The following MLIP variants were observed in gnomAD, a reference collection of about 807,000 sequenced individuals.
MLIP encodes muscular LMNA-interacting protein.
MLIP carries 79 observed loss-of-function variants against 84.8 expected under a neutral mutation model. That is an observed-to-expected ratio of 0.93 (90% confidence interval 0.78 to 1.12). The LOEUF is 1.12. Ranked by LOEUF, MLIP falls within the 50% of genes most tolerant of loss-of-function variation. MLIP has a pLI of 0.00. For missense variants in MLIP, 1,257 were observed against 1,160.6 expected, an observed-to-expected ratio of 1.08 and a Z score of -1.21; for synonymous variants, 504 against 463.0, an observed-to-expected ratio of 1.09 and a Z score of -1.14.
intron 1 of MLIP, among the ~76,000 whole-genome samples, chr6:54,089,017 G>T (rs905605838): frequency 5.3e-5 from 8 of 151,968 alleles, no homozygotes; most frequent in Non-Finnish European, 8.8e-5. Context: ...AAAAAAAAGT[G>T]GAGACTAAAA....
chr6:54,162,911 G>T (rs1181667678), intron 8 of MLIP, among the ~76,000 whole-genome samples: 2 of 151,992 alleles, frequency 1.3e-5, no homozygotes, highest in Non-Finnish European at 2.9e-5. Flanking sequence ...ATGAGCAAAT[G>T]AGAATGAAAA....
chr6:54,091,158 A>T (rs1767846450), intron 1 of MLIP, among the ~76,000 whole-genome samples: 1 of 152,028 alleles, frequency 6.6e-6, no homozygotes, highest in Non-Finnish European at 1.5e-5. Flanking sequence ...GGGGGGAAAA[A>T]ATCACCCAGA....
chr6:54,094,161 G>C (rs1234974680), intron 1 of MLIP, among the ~76,000 whole-genome samples: 1 of 151,894 alleles, frequency 6.6e-6, no homozygotes, highest in Admixed American at 6.6e-5. Flanking sequence ...ATTTTATTTA[G>C]CTACCAGCTT....
At chr6:54,101,518 A>G (rs1489060658) in intron 1 of MLIP, among the ~76,000 whole-genome samples, 2 of 152,184 alleles carry the variant, frequency 1.3e-5, no homozygotes, top group Non-Finnish European at 2.9e-5. Flanking sequence ...TAAGTTATAT[A>G]GGATTATCCA....
intron 1 of MLIP, among the ~76,000 whole-genome samples, chr6:54,096,824 G>A (rs1379915429): frequency 6.6e-6 from 1 of 152,180 alleles, no homozygotes; most frequent in Non-Finnish European, 1.5e-5. Context: ...TCAAGAGACA[G>A]GACTATTCTA....
At chr6:54,197,468 GC>G (rs1778380582) in intron 10 of MLIP, among the ~76,000 whole-genome samples, 1 of 152,038 alleles carries the variant, frequency 6.6e-6, no homozygotes, top group African/African-American at 2.4e-5. Context: ...TTTCAGAGTT[GC>G]AAAACAGCTA....
chr6:54,031,180 T>C (rs1764111650), intron 1 of MLIP, among the ~76,000 whole-genome samples: 1 of 151,902 alleles, frequency 6.6e-6, no homozygotes, highest in South Asian at 2.1e-4. Context: ...ACTGTATTTT[T>C]CAGTTTTACT....
chr6:54,055,128 C>T (rs1224720332), intron 1 of MLIP, among the ~76,000 whole-genome samples: 1 of 152,074 alleles, frequency 6.6e-6, no homozygotes, highest in Non-Finnish European at 1.5e-5. Context: ...CCTCGTGATC[C>T]GCCTGTCTCG....
chr6:54,216,449 G>A (rs1408917375), intron 11 of MLIP: 16 of 985,152 alleles, frequency 1.6e-5, no homozygotes, highest in Middle Eastern at 5.2e-4. Context: ...TGATTATGGA[G>A]TGTTTTTCTT....
chr6:54,124,420 G>T, intron 2 of MLIP, 53 bp from the exon 3 acceptor site: 1 of 1,501,830 alleles, frequency 6.7e-7, no homozygotes, highest in Non-Finnish European at 9.0e-7. Flanking sequence ...TGCCAAAAAA[G>T]AAGCATTTAT....
chr6:54,121,321 A>G (rs1212149689), intron 1 of MLIP, 126 bp from the exon 2 acceptor site: 15 of 952,504 alleles, frequency 1.6e-5, no homozygotes, highest in Non-Finnish European at 2.2e-5. Context: ...TGGCAGCCAT[A>G]TACATGATCA....
At chr6:54,158,361 C>T (rs1774262171) in intron 5 of MLIP, among the ~76,000 whole-genome samples, 1 of 152,098 alleles carries the variant, frequency 6.6e-6, no homozygotes, top group Admixed American at 6.6e-5. Context: ...GTTTACAAAT[C>T]TACCAGAACA....
At chr6:54,240,921 A>T (rs1243796128) in intron 12 of MLIP, among the ~76,000 whole-genome samples, 2 of 152,152 alleles carry the variant, frequency 1.3e-5, no homozygotes, top group Non-Finnish European at 2.9e-5. Flanking sequence ...GGTTGCAGTG[A>T]GCCCAAATCG....
intron 4 of MLIP, among the ~76,000 whole-genome samples, chr6:54,145,431 T>G (rs1772702678): frequency 6.6e-6 from 1 of 151,962 alleles, no homozygotes; most frequent in African/African-American, 2.4e-5. Flanking sequence ...AAGGAAAGGG[T>G]ATGTATGTCT....
intron 1 of MLIP, among the ~76,000 whole-genome samples, chr6:54,075,583 T>C (rs1313426502): frequency 6.6e-6 from 1 of 152,208 alleles, no homozygotes; most frequent in Non-Finnish European, 1.5e-5. Context: ...TGTTAGTAAC[T>C]GCATTATTTG....
chr6:54,210,686 T>G (rs1352341671), intron 11 of MLIP, among the ~76,000 whole-genome samples: 1 of 139,090 alleles, frequency 7.2e-6, no homozygotes, highest in African/African-American at 2.6e-5. Flanking sequence ...TAGCCCTGAC[T>G]ATGATGCCCC....
chr6:54,108,962 T>C (rs1343766573), upstream of MLIP, among the ~76,000 whole-genome samples: 2 of 151,920 alleles, frequency 1.3e-5, no homozygotes, highest in East Asian at 1.9e-4. Context: ...AGAACCACAC[T>C]AGAACTTTGC....
intron 1 of MLIP, among the ~76,000 whole-genome samples, chr6:54,081,475 T>G (rs1294451351): frequency 3.3e-5 from 5 of 152,184 alleles, no homozygotes; most frequent in African/African-American, 1.2e-4. Flanking sequence ...TGGCGCGATC[T>G]CCGCTCACTG....
chr6:54,059,653 C>G (rs1765852287), intron 1 of MLIP, among the ~76,000 whole-genome samples: 1 of 152,102 alleles, frequency 6.6e-6, no homozygotes, highest in African/African-American at 2.4e-5. Flanking sequence ...ACCCTGGATT[C>G]ACGAATGTAT....
Sources: allele counts gnomAD v4.1 joint callset (sites outside exome capture counted in the v4.1 genomes callset), GRCh38; gene constraint gnomAD v4.1.1; transcripts MANE v1.5; gene names NCBI Gene and HGNC (gene_info 2026-07-23, HGNC 2026-07-21).